The following XNDC1N variants were observed in gnomAD, a reference collection of about 807,000 sequenced individuals.
The protein encoded by XNDC1N is XRCC1 N-terminal domain containing 1, N-terminal like, also known as protein XNDC1N.
the XNDC1N span, among the ~76,000 whole-genome samples, chr11:71,890,707 A>G: frequency 6.6e-6 from 1 of 151,970 alleles, no homozygotes; most frequent in Non-Finnish European, 1.5e-5. Context: ...TATTTGGAGG[A>G]ATATCATCGT....
At chr11:71,888,867 C>A in the XNDC1N span, among the ~76,000 whole-genome samples, 2 of 152,236 alleles carry the variant, frequency 1.3e-5, no homozygotes, top group African/African-American at 4.8e-5. Flanking sequence ...CTCCACCCCG[C>A]CACCTTGCTC....
chr11:71,897,864 A>G, the XNDC1N span, among the ~76,000 whole-genome samples: 374 of 152,360 alleles, frequency 2.5e-3, no homozygotes, highest in Middle Eastern at 0.01. Flanking sequence ...CTTTCATACA[A>G]TGGAAGACCA....
chr11:71,904,084 A>G, the XNDC1N span: 1 of 521,010 alleles, frequency 1.9e-6, no homozygotes, highest in South Asian at 1.4e-5. Flanking sequence ...CAGGGATATG[A>G]AAAGTGTCCT....
chr11:71,917,609 T>C, the XNDC1N span: 1 of 703,744 alleles, frequency 1.4e-6, no homozygotes, highest in East Asian at 2.7e-5. Context: ...TTTCTGCTTT[T>C]GCCCTCTTTA....
At chr11:71,917,782 G>C in the XNDC1N span, 1 of 703,076 alleles carries the variant, frequency 1.4e-6, no homozygotes, top group Non-Finnish European at 2.6e-6. Context: ...GTTACCTGGG[G>C]ACAAAAGGTT....
At chr11:71,879,232 G>C in the XNDC1N span, among the ~76,000 whole-genome samples, 7 of 152,098 alleles carry the variant, frequency 4.6e-5, no homozygotes, top group African/African-American at 1.5e-4. Context: ...TTCCTTTAAA[G>C]TTGAATAAAA....
the XNDC1N span, among the ~76,000 whole-genome samples, chr11:71,922,983 T>C: frequency 0.025 from 3,875 of 152,332 alleles, 53 homozygotes; most frequent in East Asian, 0.076. Context: ...TGTCCTACCC[T>C]GTTCTAAATG....
the XNDC1N span, among the ~76,000 whole-genome samples, chr11:71,914,047 A>C: frequency 6.6e-6 from 1 of 152,216 alleles, no homozygotes; most frequent in African/African-American, 2.4e-5. Context: ...TCTGATGGAG[A>C]TGTACAAGGA....
At chr11:71,873,821 A>T in the XNDC1N span, among the ~76,000 whole-genome samples, 1 of 152,226 alleles carries the variant, frequency 6.6e-6, no homozygotes, top group Non-Finnish European at 1.5e-5. Flanking sequence ...TAGTTTTTTT[A>T]AAAAACGTAA....
the XNDC1N span, among the ~76,000 whole-genome samples, chr11:71,913,515 C>T: frequency 3.6e-3 from 541 of 151,814 alleles, 9 homozygotes; most frequent in African/African-American, 0.011. Flanking sequence ...AAAAATTAGC[C>T]GGGTGTGGTG....
chr11:71,869,577 A>G, the XNDC1N span, among the ~76,000 whole-genome samples: 1 of 152,244 alleles, frequency 6.6e-6, no homozygotes, highest in African/African-American at 2.4e-5. Flanking sequence ...ATTCTCATAG[A>G]GAGTTTTTCA....
the XNDC1N span, among the ~76,000 whole-genome samples, chr11:71,887,530 C>T: frequency 2.6e-5 from 4 of 151,568 alleles, no homozygotes; most frequent in African/African-American, 9.8e-5. Flanking sequence ...TAAGCGGTGG[C>T]CAAGAGTATG....
chr11:71,899,246 C>A, the XNDC1N span, among the ~76,000 whole-genome samples: 2 of 152,150 alleles, frequency 1.3e-5, no homozygotes, highest in East Asian at 3.9e-4. Context: ...TCACCTGTAT[C>A]ACCCTGTCTT....
At chr11:71,874,048 C>T in the XNDC1N span, among the ~76,000 whole-genome samples, 2 of 152,284 alleles carry the variant, frequency 1.3e-5, no homozygotes, top group Admixed American at 1.3e-4. Context: ...GGCCCAGTGG[C>T]TCACACCCAT....
At chr11:71,908,716 C>T in the XNDC1N span, among the ~76,000 whole-genome samples, 1 of 152,308 alleles carries the variant, frequency 6.6e-6, no homozygotes, top group African/African-American at 2.4e-5. Flanking sequence ...TATCCAGACC[C>T]ACAACCCCAC....
At chr11:71,868,963 T>A in the XNDC1N span, among the ~76,000 whole-genome samples, 1 of 152,174 alleles carries the variant, frequency 6.6e-6, no homozygotes, top group African/African-American at 2.4e-5. Flanking sequence ...TTCTCAGAGG[T>A]TTGTTCATCT....
chr11:71,895,301 T>C, the XNDC1N span, among the ~76,000 whole-genome samples: 1 of 151,740 alleles, frequency 6.6e-6, no homozygotes, highest in Non-Finnish European at 1.5e-5. Flanking sequence ...CCATTTCGCA[T>C]TTTCTATTTC....
the XNDC1N span, chr11:71,927,678 G>C: frequency 6.6e-6 from 1 of 152,048 alleles, no homozygotes; most frequent in Non-Finnish European, 1.5e-5. Context: ...AGGGTAATAG[G>C]CTTGAGAGTA....
the XNDC1N span, among the ~76,000 whole-genome samples, chr11:71,876,341 T>C: frequency 1.3e-5 from 2 of 152,174 alleles, no homozygotes; most frequent in Non-Finnish European, 2.9e-5. Context: ...TTAAGAAAAG[T>C]CATTGGTCAA....
Sources: allele counts gnomAD v4.1 joint callset (sites outside exome capture counted in the v4.1 genomes callset), GRCh38; gene constraint gnomAD v4.1.1; transcripts MANE v1.5; gene names NCBI Gene and HGNC (gene_info 2026-07-23, HGNC 2026-07-21).